The following OXR1 variants were observed in gnomAD, a reference collection of about 807,000 sequenced individuals.
The protein encoded by OXR1 is oxidation resistance protein 1.
In OXR1, 41 loss-of-function variants were observed where a neutral mutation model predicts 104.6. The ratio of observed to expected loss-of-function variants is 0.39; its 90% CI spans 0.31 to 0.51. The LOEUF is 0.51. Among genes scored for constraint, OXR1 ranks in the 20% least tolerant of loss-of-function variants. OXR1 has a pLI of 0.77. For missense variants in OXR1, 955 were observed against 1,031.9 expected (o/e 0.93, Z 1.02); for synonymous variants, 348 against 348.4 (o/e 1.00, Z 0.01).
At chr8:106,543,098 T>C (rs1586784872) in intron 3 of OXR1, among the ~76,000 whole-genome samples, 1 of 152,156 alleles carries the variant, frequency 6.6e-6, no homozygotes, top group Non-Finnish European at 1.5e-5. Flanking sequence ...TCTGAATTTG[T>C]ATATTGGAGG....
intron 2 of OXR1, among the ~76,000 whole-genome samples, chr8:106,507,305 T>A (rs1812232691): frequency 6.6e-6 from 1 of 152,136 alleles, no homozygotes; most frequent in East Asian, 1.9e-4. Flanking sequence ...AGTACTGTTA[T>A]TAGATCCATT....
chr8:106,449,958 A>C (rs901935073), intron 2 of OXR1, among the ~76,000 whole-genome samples: 7 of 152,196 alleles, frequency 4.6e-5, no homozygotes, highest in African/African-American at 1.4e-4. Context: ...TTAAACAAAA[A>C]TAACAATATA....
At chr8:106,400,427 A>C (rs1817955015) in intron 2 of OXR1, among the ~76,000 whole-genome samples, 1 of 152,168 alleles carries the variant, frequency 6.6e-6, no homozygotes, top group Non-Finnish European at 1.5e-5. Context: ...AAATACTCCC[A>C]AAAGAGGATG....
chr8:106,687,442 C>T lies in OXR1; in HGVS notation c.525+3083C>T, dbSNP rs558524291. Among the ~76,000 whole-genome samples the T allele has an allele frequency of 2.4e-4, 37 of 152,162 alleles. 2 individuals are homozygous for T. Among genetic ancestry groups the T allele is most frequent in the Admixed American group, 2.2e-3 (33 of 15,288 alleles). ...CCTCTTAAAATTATTCAGTTTCTAC[C>T]GGGCATAGTGGCTCACGCTGGTAAT... is the stretch of plus-strand genomic sequence containing the variant. On this transcript the variant is annotated intron_variant, in intron 6 of 16. Transcript: ENST00000517566.
chr8:106,392,304 G>A (rs1387933396), intron 2 of OXR1, among the ~76,000 whole-genome samples: 2 of 152,192 alleles, frequency 1.3e-5, no homozygotes, highest in Non-Finnish European at 2.9e-5. Context: ...CAATGGAAGA[G>A]GACTGCGTTT....
intron 2 of OXR1, among the ~76,000 whole-genome samples, chr8:106,389,276 G>T (rs1817504090): frequency 1.3e-5 from 2 of 152,250 alleles, no homozygotes; most frequent in South Asian, 4.2e-4. Context: ...TTGAAAAACT[G>T]CCCATGAAAA....
intron 3 of OXR1, among the ~76,000 whole-genome samples, chr8:106,543,627 A>C (rs1279574026): frequency 6.6e-6 from 1 of 152,188 alleles, no homozygotes; most frequent in Non-Finnish European, 1.5e-5. Context: ...CCAAGAAATA[A>C]CTTCTTAATA....
At chr8:106,650,934 A>AT (rs1164968120) in intron 3 of OXR1, among the ~76,000 whole-genome samples, 1 of 152,162 alleles carries the variant, frequency 6.6e-6, no homozygotes, top group Non-Finnish European at 1.5e-5. Context: ...GACATGTCAT[A>AT]TTGTATTTAA....
At chr8:106,518,262 T>C (rs1812998642) in intron 2 of OXR1, among the ~76,000 whole-genome samples, 1 of 152,190 alleles carries the variant, frequency 6.6e-6, no homozygotes, top group Non-Finnish European at 1.5e-5. Context: ...TAAATTGGAC[T>C]TAGGGTTTAA....
intron 2 of OXR1, among the ~76,000 whole-genome samples, chr8:106,461,657 G>T (rs1272468161): frequency 1.3e-5 from 2 of 152,138 alleles, no homozygotes; most frequent in Admixed American, 1.3e-4. Flanking sequence ...TTTTAAGCCT[G>T]GAAATACAGG....
chr8:106,517,483 T>C (rs1040726443), intron 2 of OXR1, among the ~76,000 whole-genome samples: 1 of 152,238 alleles, frequency 6.6e-6, no homozygotes, highest in East Asian at 1.9e-4. Flanking sequence ...AATGCATCTT[T>C]TGGTTAACAC....
chr8:106,732,363 C>A (rs1258247429), intron 11 of OXR1, among the ~76,000 whole-genome samples: 5 of 152,046 alleles, frequency 3.3e-5, no homozygotes, highest in Middle Eastern at 3.4e-3. Context: ...CTTTAATTTT[C>A]TTTGAATTTA....
At chr8:106,320,412 G>A (rs190798581) in intron 1 of OXR1, among the ~76,000 whole-genome samples, 2 of 152,248 alleles carry the variant, frequency 1.3e-5, no homozygotes, top group African/African-American at 4.8e-5. Context: ...TATAAGGGGT[G>A]GAGGGGGAAT....
intron 3 of OXR1, among the ~76,000 whole-genome samples, chr8:106,526,581 C>G (rs1003192627): frequency 1.3e-5 from 2 of 152,224 alleles, no homozygotes; most frequent in South Asian, 2.1e-4. Context: ...CTCGCTCTGT[C>G]GCCCAGGCTG....
chr8:106,504,298 C>T (rs951430750), intron 2 of OXR1, among the ~76,000 whole-genome samples: 2 of 152,020 alleles, frequency 1.3e-5, no homozygotes, highest in African/African-American at 4.8e-5. Context: ...AGAGGAGCAC[C>T]CTTGAAACTA....
rs1170962823 is a variant in OXR1 at position 106,496,521 on chromosome 8, G to A, written c.24-22422G>A. Among the ~76,000 whole-genome samples, 3 of 152,304 alleles carry A rather than the reference G, an allele frequency of 2.0e-5. No homozygotes were observed. The East Asian group carries it at 5.8e-4, about 29-fold the overall frequency. ...ATCCAGGAACCTGGTTGACAGAACA[G>A]CCATCATCTCCAACATTACTAGTAC... On this transcript the variant is annotated intron_variant, in intron 2 of 16. Transcript: ENST00000517566.
intron 3 of OXR1, among the ~76,000 whole-genome samples, chr8:106,523,753 T>C (rs1233103563): frequency 4.0e-5 from 6 of 151,574 alleles, no homozygotes; most frequent in Non-Finnish European, 8.8e-5. Flanking sequence ...CACTAATAGG[T>C]AAATAGAAGA....
At chr8:106,361,547 T>C (rs918844113) in intron 2 of OXR1, among the ~76,000 whole-genome samples, 3 of 152,208 alleles carry the variant, frequency 2.0e-5, no homozygotes, top group African/African-American at 4.8e-5. Context: ...ATCTAAAGCA[T>C]GCAAAACGAG....
At chr8:106,277,446 C>T (rs1812095949) in intron 1 of OXR1, among the ~76,000 whole-genome samples, 1 of 152,242 alleles carries the variant, frequency 6.6e-6, no homozygotes, top group Admixed American at 6.5e-5. Flanking sequence ...TTCCACCACA[C>T]TTCAGCTGTG....
Sources: gnomAD v4.1 joint callset for allele counts (sites outside exome capture counted in the v4.1 genomes callset) on GRCh38, gnomAD v4.1.1 for gene constraint, MANE v1.5 for transcripts, NCBI Gene and HGNC (gene_info 2026-07-23, HGNC 2026-07-21) for gene names.